PTH2R: variants seen among roughly 807,000 people sequenced by gnomAD.
PTH2R encodes the protein PTH2 receptor.
A neutral mutation model predicts 60.3 loss-of-function variants in PTH2R; 59 were observed. The ratio of observed to expected loss-of-function variants is 0.98; its 90% CI spans 0.79 to 1.22. The LOEUF is 1.22. PTH2R is among the 50% of genes most tolerant of loss of function. The pLI is 0.00. For synonymous variants in PTH2R, 256 were observed against 243.8 expected, an observed-to-expected ratio of 1.05 and a Z score of -0.47; for missense variants, 749 against 682.6, an observed-to-expected ratio of 1.10 and a Z score of -1.08.
chr2:208,365,113 A>G (rs1251259041), intron 1 of PTH2R, among the ~76,000 whole-genome samples: 1 of 151,904 alleles, frequency 6.6e-6, no homozygotes. Context: ...GCCATCTACA[A>G]ACAGAAATTT....
At chr2:208,401,585 G>C (rs1330257739) in intron 1 of PTH2R, among the ~76,000 whole-genome samples, 2 of 151,418 alleles carry the variant, frequency 1.3e-5, no homozygotes, top group African/African-American at 2.4e-5. Context: ...TCCTCCTCAG[G>C]GTTTGCAGCC....
chr2:208,421,675 A>G (rs943392932), intron 1 of PTH2R, among the ~76,000 whole-genome samples: 1 of 152,180 alleles, frequency 6.6e-6, no homozygotes, highest in African/African-American at 2.4e-5. Flanking sequence ...AGCTACTCTC[A>G]AGGGAATCAC....
chr2:208,479,163 G>A (rs1031378721), intron 9 of PTH2R, among the ~76,000 whole-genome samples: 8 of 151,608 alleles, frequency 5.3e-5, no homozygotes, highest in Admixed American at 1.3e-4. Context: ...GGCCTTGAAC[G>A]TATCTTCTCA....
At chr2:208,465,663 A>G (rs34242215) in intron 9 of PTH2R, among the ~76,000 whole-genome samples, 97,597 of 151,844 alleles carry the variant, frequency 0.64, 32,984 homozygotes, top group Admixed American at 0.74. Flanking sequence ...TCGGCCTCCC[A>G]AAGTGCTGGA....
chr2:208,474,431 G>C (rs1431934367), intron 9 of PTH2R, among the ~76,000 whole-genome samples: 1 of 152,090 alleles, frequency 6.6e-6, no homozygotes, highest in Non-Finnish European at 1.5e-5. Flanking sequence ...CTGTCTGGAG[G>C]GCTTAATAAA....
At chr2:208,388,733 A>T (rs1701054067) in intron 1 of PTH2R, among the ~76,000 whole-genome samples, 1 of 152,234 alleles carries the variant, frequency 6.6e-6, no homozygotes, top group Non-Finnish European at 1.5e-5. Flanking sequence ...CTTTAGAAAG[A>T]AAACTGTCAA....
intron 1 of PTH2R, among the ~76,000 whole-genome samples, chr2:208,395,126 CA>C (rs1701183202): frequency 6.6e-6 from 1 of 151,972 alleles, no homozygotes; most frequent in African/African-American, 2.4e-5. Flanking sequence ...CAGCTCACTG[CA>C]AGCTCCACCT....
chr2:208,473,067 T>C (rs548957566), intron 9 of PTH2R, among the ~76,000 whole-genome samples: 1 of 152,302 alleles, frequency 6.6e-6, no homozygotes, highest in African/African-American at 2.4e-5. Context: ...AGGTGGTATA[T>C]GCAAGGTCAT....
intron 9 of PTH2R, among the ~76,000 whole-genome samples, chr2:208,473,803 C>A (rs1050856979): frequency 6.6e-6 from 1 of 152,074 alleles, no homozygotes; most frequent in African/African-American, 2.4e-5. Flanking sequence ...AGGTACCTTA[C>A]AATCATTTAA....
At position 208,370,471 on chromosome 2, in the gene PTH2R, A is replaced by G. The variant is rs1324732113; in HGVS notation, c.-259+10234A>G. 6.8e-4 allele frequency among the ~76,000 whole-genome samples: 93 copies of G among 136,034 alleles called. 1 individual carries two copies. The highest frequency in any genetic ancestry group is 7.8e-3 in the Middle Eastern group (2 of 258). 89.2% of individuals were successfully genotyped at this position (136,034 alleles called of 152,430 possible). On this transcript the variant is annotated intron_variant, in intron 1 of 12. Transcript: ENST00000617735. Reference sequence around the variant, plus strand: ...AAAAAAAAAAAAAAAAAAAAAAAAAAAAAAGAAAGGTCAACATTCTACGTT... The same window carrying G: ...AAAAAAAAAAAAAAAAAAAAAAAAAGAAAAGAAAGGTCAACATTCTACGTT...
intron 1 of PTH2R, among the ~76,000 whole-genome samples, chr2:208,418,447 C>T (rs911634659): frequency 1.3e-5 from 2 of 151,306 alleles, no homozygotes; most frequent in Admixed American, 1.3e-4. Flanking sequence ...AATAGCAAAC[C>T]AACTCCAACA....
chr2:208,421,455 C>A (rs998510263), intron 1 of PTH2R, among the ~76,000 whole-genome samples: 1 of 151,346 alleles, frequency 6.6e-6, no homozygotes, highest in Non-Finnish European at 1.5e-5. Flanking sequence ...TATATCTTAC[C>A]TGTTTTTCTT....
intron 1 of PTH2R, among the ~76,000 whole-genome samples, chr2:208,424,822 A>G (rs1046479301): frequency 6.6e-6 from 1 of 152,198 alleles, no homozygotes; most frequent in Non-Finnish European, 1.5e-5. Flanking sequence ...ACACTGGCCC[A>G]GCATTATTCT....
intron 1 of PTH2R, among the ~76,000 whole-genome samples, chr2:208,366,439 G>A (rs979390618): frequency 3.9e-5 from 6 of 152,066 alleles, no homozygotes; most frequent in African/African-American, 1.4e-4. Flanking sequence ...TTATAATGGG[G>A]TGTCCTTATT....
chr2:208,427,210 G>GA (rs147224102), intron 1 of PTH2R, among the ~76,000 whole-genome samples: 2,468 of 151,992 alleles, frequency 0.016, 58 homozygotes, highest in African/African-American at 0.057. Context: ...CGGTTTAACT[G>GA]AAAAAAACAG....
intron 7 of PTH2R, 130 bp downstream of exon 7, chr2:208,445,017 CT>C: frequency 1.0e-6 from 1 of 971,182 alleles, no homozygotes; most frequent in Non-Finnish European, 1.5e-6. Context: ...TTTTATCTCC[CT>C]TTTATTGTTC....
chr2:208,471,458 T>A (rs569868182), intron 9 of PTH2R, among the ~76,000 whole-genome samples: 144 of 152,340 alleles, frequency 9.5e-4, no homozygotes, highest in African/African-American at 3.3e-3. Context: ...AAGGGGCCAA[T>A]GTAGAGCTTG....
chr2:208,422,758 C>A (rs1340286123), intron 1 of PTH2R, among the ~76,000 whole-genome samples: 2 of 152,010 alleles, frequency 1.3e-5, no homozygotes, highest in Admixed American at 1.3e-4. Flanking sequence ...CCAGTTCCCC[C>A]CTTATCACTT....
chr2:208,457,206 G>A (rs1702532417), intron 8 of PTH2R, among the ~76,000 whole-genome samples: 1 of 152,186 alleles, frequency 6.6e-6, no homozygotes, highest in South Asian at 2.1e-4. Context: ...CTTCCTTATG[G>A]TAGAAAGCTT....
Sources: gnomAD v4.1 joint callset for allele counts (sites outside exome capture counted in the v4.1 genomes callset) on GRCh38, gnomAD v4.1.1 for gene constraint, MANE v1.5 for transcripts, NCBI Gene and HGNC (gene_info 2026-07-23, HGNC 2026-07-21) for gene names.